PREX1: variants seen among roughly 807,000 people sequenced by gnomAD.
PREX1 encodes the protein phosphatidylinositol 3,4,5-trisphosphate-dependent Rac exchanger 1 protein.
A neutral mutation model predicts 198.3 loss-of-function variants in PREX1; 41 were observed. That is an observed-to-expected ratio of 0.21 (90% CI 0.16 to 0.27). The LOEUF (loss-of-function observed/expected upper bound fraction) is 0.27. PREX1 is among the 10% of genes least tolerant of loss of function. The probability of loss-of-function intolerance (pLI) is 1.00; values close to 1 mark genes in which losing one functional copy is unlikely to be tolerated. For missense variants in PREX1, 1,620 were observed against 2,200.7 expected, an observed-to-expected ratio of 0.74 and a Z score of 5.28; for synonymous variants, 843 against 887.2, an observed-to-expected ratio of 0.95 and a Z score of 0.89.
intron 36 of PREX1, 31 bp downstream of exon 36, chr20:48,630,697 C>A: frequency 6.5e-7 from 1 of 1,539,360 alleles, no homozygotes; most frequent in Non-Finnish European, 9.0e-7. Context: ...CCTGCCCAAG[C>A]TCCCTGCAGC....
intron 6 of PREX1, among the ~76,000 whole-genome samples, chr20:48,704,098 A>T (rs1183673519): frequency 1.3e-5 from 2 of 152,216 alleles, no homozygotes; most frequent in Non-Finnish European, 2.9e-5. Context: ...AAACTCAGCT[A>T]ATCCTCAGGA....
At chr20:48,683,835 C>G (rs34475642) in intron 10 of PREX1, among the ~76,000 whole-genome samples, 1 of 152,136 alleles carries the variant, frequency 6.6e-6, no homozygotes, top group Non-Finnish European at 1.5e-5. Flanking sequence ...TCTATCAGGT[C>G]AGTGGGGCAC....
chr20:48,868,322 AT>A, the PREX1 span, among the ~76,000 whole-genome samples: 68 of 146,886 alleles, frequency 4.6e-4, no homozygotes, highest in African/African-American at 1.1e-3. Context: ...AAAACACTTA[AT>A]TTTTTTTTTT....
intron 3 of PREX1, among the ~76,000 whole-genome samples, chr20:48,737,960 T>C (rs2090064348): frequency 6.6e-6 from 1 of 152,194 alleles, no homozygotes. Context: ...AAGTCCTGTA[T>C]TTGTTTAAGC....
chr20:48,687,114 T>C (rs1354145683), intron 10 of PREX1, among the ~76,000 whole-genome samples: 1 of 152,246 alleles, frequency 6.6e-6, no homozygotes, highest in Non-Finnish European at 1.5e-5. Context: ...CTTCTATCCC[T>C]TCAGGTTCCC....
Position 48,634,697 on chromosome 20 carries a change from G to C in PREX1, c.4246C>G (p.Leu1416Val). 1 of 1,614,170 alleles carries C rather than the reference G, an allele frequency of 6.2e-7. No homozygotes were observed. The highest frequency in any genetic ancestry group is 8.5e-7 in the Non-Finnish European group (1 of 1,180,004). Reference protein sequence around the residue: ...LDNVTFSFKQLDENYVANTNV... With the variant: ...LDNVTFSFKQVDENYVANTNV... ...TCACTGGCCACATAGTTCTCGTCCA[G>C]CTGCTTAAAGGAGAAGGTGACATTG... Residue 1416 changes from leucine (L) to valine (V), a missense_variant, in exon 33 of 40, where the codon CTG becomes GTG. Leu to Val is a conservative substitution (Grantham distance 32, BLOSUM62 1). Coordinates refer to ENST00000371941, the MANE Select transcript of PREX1 (RefSeq NM_020820.4).
At chr20:48,700,121 C>T (rs1030538566) in intron 7 of PREX1, among the ~76,000 whole-genome samples, 2 of 152,214 alleles carry the variant, frequency 1.3e-5, no homozygotes, top group African/African-American at 2.4e-5. Context: ...CTCTACAGAG[C>T]GCAAGAAGCA....
intron 21 of PREX1, 26 bp downstream of exon 21, chr20:48,652,560 C>CTGTCA: frequency 6.3e-7 from 1 of 1,586,626 alleles, no homozygotes; most frequent in South Asian, 1.1e-5. Context: ...CTGGAAGCTC[C>CTGTCA]TGTCATGCCA....
In PREX1 at chr20:48,679,764, C is replaced by G. The variant is rs1398187103; in HGVS notation, c.1436-10G>C. On this transcript the variant is annotated splice_polypyrimidine_tract_variant and intron_variant, in intron 11 of 39. Transcript: ENST00000371941. ...TGGTGCTTGTCGGAAACTGGAGAGA[C>G]AGGAGGACCTGTGACGCTGGGCACG... is the stretch of plus-strand genomic sequence containing the variant. 1 of 1,600,170 alleles carries G rather than the reference C, an allele frequency of 6.2e-7. No homozygotes were observed. Among genetic ancestry groups the G allele is most frequent in the African/African-American group, 1.3e-5 (1 of 74,716 alleles).
the PREX1 span, among the ~76,000 whole-genome samples, chr20:48,880,981 T>TAA: frequency 0.011 from 237 of 20,990 alleles, 49 homozygotes; most frequent in Non-Finnish European, 0.013. Flanking sequence ...AAACCATTGC[T>TAA]AAAAAAAAAA....
intron 1 of PREX1, among the ~76,000 whole-genome samples, chr20:48,794,592 G>A (rs1035641117): frequency 6.6e-6 from 1 of 152,198 alleles, no homozygotes; most frequent in Non-Finnish European, 1.5e-5. Context: ...GCCTGCCAGG[G>A]CAGCCTCTGC....
upstream of PREX1, among the ~76,000 whole-genome samples, chr20:48,830,807 T>C (rs555062573): frequency 1.2e-4 from 19 of 152,314 alleles, no homozygotes; most frequent in East Asian, 3.5e-3. Context: ...ACCTACATCA[T>C]AAAGTCGTTG....
chr20:48,735,859 G>C (rs1482658697), intron 3 of PREX1, among the ~76,000 whole-genome samples: 2 of 152,118 alleles, frequency 1.3e-5, no homozygotes, highest in African/African-American at 4.8e-5. Context: ...CATAGGGTAG[G>C]GATGGGAGTG....
At position 48,642,163 on chromosome 20, in the gene PREX1, C is replaced by T; in HGVS notation, c.3775+5G>A. The T allele has an allele frequency of 6.2e-7, 1 of 1,613,948 alleles. No homozygotes were observed. The highest frequency in any genetic ancestry group is 8.5e-7 in the Non-Finnish European group (1 of 1,179,800). ...GCTGTCACCTTGGACTGGCTATCCC[C>T]TCACCTTGTAAGCTGTGGTTCATAG... On this transcript the variant is annotated splice_donor_5th_base_variant and intron_variant, in intron 29 of 39. Coordinates refer to ENST00000371941, the MANE Select transcript of PREX1 (RefSeq NM_020820.4).
chr20:48,729,314 TG>T (rs1476451213), intron 4 of PREX1, among the ~76,000 whole-genome samples: 1 of 152,118 alleles, frequency 6.6e-6, no homozygotes, highest in Non-Finnish European at 1.5e-5. Context: ...TGACCTCAGG[TG>T]ATCTGCCTGC....
At chr20:48,626,270 ATCCT>A (rs2089271574) in intron 39 of PREX1, among the ~76,000 whole-genome samples, 1 of 152,142 alleles carries the variant, frequency 6.6e-6, no homozygotes, top group Non-Finnish European at 1.5e-5. Context: ...CACTTGCTCT[ATCCT>A]GGGAAACTCT....
chr20:48,741,405 G>A (rs992450174), intron 3 of PREX1, among the ~76,000 whole-genome samples: 17 of 151,984 alleles, frequency 1.1e-4, no homozygotes, highest in African/African-American at 4.1e-4. Context: ...TGTCACCCAG[G>A]CTGGAGTGCA....
intron 5 of PREX1, among the ~76,000 whole-genome samples, chr20:48,713,546 G>A (rs529420857): frequency 1.4e-3 from 213 of 152,264 alleles, no homozygotes; most frequent in African/African-American, 4.9e-3. Context: ...ACCAGCCTGG[G>A]CAACACAGAA....
intron 30 of PREX1, 79 bp downstream of exon 30, chr20:48,639,687 C>A (rs1765440350): frequency 1.9e-6 from 3 of 1,562,648 alleles, no homozygotes; most frequent in African/African-American, 2.7e-5. Flanking sequence ...AGAACTGGAT[C>A]CATTCCTGAT....
Sources: allele counts gnomAD v4.1 joint callset (sites outside exome capture counted in the v4.1 genomes callset), GRCh38; gene constraint gnomAD v4.1.1; transcripts MANE v1.5; gene names NCBI Gene and HGNC (gene_info 2026-07-23, HGNC 2026-07-21).